Variants in FBXW7 observed in about 807,000 individuals in gnomAD.
FBXW7 encodes the protein F-box and WD repeat domain containing 7, also known as F-box/WD repeat-containing protein 7.
A neutral mutation model predicts 86.3 loss-of-function variants in FBXW7; 11 were observed. The ratio of observed to expected loss-of-function variants is 0.13; its 90% CI spans 0.08 to 0.21. FBXW7 has a LOEUF of 0.21. Ranked by LOEUF, FBXW7 falls within the 10% of genes least tolerant of loss-of-function variation. The pLI is 1.00. For synonymous variants in FBXW7, 313 were observed against 297.9 expected, an observed-to-expected ratio of 1.05 and a Z score of -0.52; for missense variants, 488 against 847.4, an observed-to-expected ratio of 0.58 and a Z score of 5.27.
intron 6 of FBXW7, chr4:152,338,154 AC>A (rs1334389476): frequency 2.0e-5 from 7 of 357,284 alleles, no homozygotes; most frequent in African/African-American, 4.2e-5. Context: ...TTAAAAAAAA[AC>A]ATGTTTGACA....
At chr4:152,523,829 T>C (rs1327373750) in intron 2 of FBXW7, among the ~76,000 whole-genome samples, 1 of 152,188 alleles carries the variant, frequency 6.6e-6, no homozygotes, top group African/African-American at 2.4e-5. Context: ...GTTTTGTGTA[T>C]TTTGTCTCTC....
intron 2 of FBXW7, among the ~76,000 whole-genome samples, chr4:152,440,515 G>A (rs1467265651): frequency 6.6e-6 from 1 of 151,818 alleles, no homozygotes; most frequent in Non-Finnish European, 1.5e-5. Flanking sequence ...ATTTAATTTT[G>A]GTAACACAAA....
At chr4:152,375,345 A>G (rs1258023832) in intron 4 of FBXW7, among the ~76,000 whole-genome samples, 2 of 152,130 alleles carry the variant, frequency 1.3e-5, no homozygotes, top group African/African-American at 4.8e-5. Context: ...GACAACCATA[A>G]GACTCTCCAT....
In FBXW7 at chr4:152,324,281, T is replaced by C. The variant is rs896624282; in HGVS notation, c.1758A>G (p.Gly586=). Residue 586 remains glycine (G), a synonymous_variant, in exon 13 of 14, where the codon GGA becomes GGG. Coordinates refer to ENST00000281708, the MANE Select transcript of FBXW7 (RefSeq NM_001349798.2). ...TLTGHQSLTS[G]MELKDNILVS... is the part of the protein sequence containing the mutation. ...CAAGAATATTGTCTTTGAGTTCCATTCCACTTGTTAACGACTGGTGCCCTG... is the reference window on the plus strand; with the variant it reads ...CAAGAATATTGTCTTTGAGTTCCATCCCACTTGTTAACGACTGGTGCCCTG... 1.2e-6 allele frequency: 2 copies of C among 1,613,262 alleles called. No homozygotes were observed. The highest frequency in any genetic ancestry group is 1.7e-6 in the Non-Finnish European group (2 of 1,179,520).
chr4:152,323,693 T>C (rs1389195508), intron 13 of FBXW7: 1 of 167,454 alleles, frequency 6.0e-6, no homozygotes, highest in Non-Finnish European at 1.3e-5. Context: ...TCATCTAATA[T>C]TAGTGATTTT....
intron 8 of FBXW7, among the ~76,000 whole-genome samples, chr4:152,332,230 T>C (rs930364736): frequency 2.0e-5 from 3 of 152,084 alleles, no homozygotes; most frequent in Non-Finnish European, 4.4e-5. Context: ...ATCCCCCACC[T>C]TGAAGAAATG....
Position 152,340,458 on chromosome 4 carries a change from A to G in FBXW7, c.727-2522T>C, listed in dbSNP as rs371981233. On this transcript the variant is annotated intron_variant, in intron 6 of 13. Transcript: ENST00000281708. ...GCTGGGCATCGTGGCGGGCGCCTGT[A>G]GTCCCGGCGACTTGGGAGGCTGATG... Among the ~76,000 whole-genome samples, 6 of 151,244 alleles carry G rather than the reference A, an allele frequency of 4.0e-5. No individual in the cohort carries two copies. The East Asian group carries it at 1.2e-3, about 30-fold the overall frequency.
intron 2 of FBXW7, among the ~76,000 whole-genome samples, chr4:152,455,516 T>G (rs565334251): frequency 2.6e-5 from 4 of 152,346 alleles, no homozygotes; most frequent in African/African-American, 9.6e-5. Flanking sequence ...AGCAGAGCCT[T>G]TAACATCTGT....
chr4:152,524,559 G>A (rs1014924282), intron 2 of FBXW7, among the ~76,000 whole-genome samples: 4 of 152,098 alleles, frequency 2.6e-5, no homozygotes, highest in African/African-American at 7.2e-5. Context: ...ATTTCAAAGG[G>A]TGACAGATAA....
chr4:152,352,933 G>C (rs987352869), intron 4 of FBXW7: 2 of 1,414,096 alleles, frequency 1.4e-6, no homozygotes, highest in African/African-American at 1.4e-5. Flanking sequence ...CAATTATATG[G>C]TGATCCGCTC....
chr4:152,382,363 C>T (rs763126995), intron 4 of FBXW7: 1 of 1,544,038 alleles, frequency 6.5e-7, no homozygotes, highest in South Asian at 1.3e-5. Context: ...TTGACGAATA[C>T]TCTCTACATG....
chr4:152,363,306 T>A (rs946906806), intron 4 of FBXW7, among the ~76,000 whole-genome samples: 5 of 152,158 alleles, frequency 3.3e-5, no homozygotes, highest in African/African-American at 1.2e-4. Context: ...TTAGAAATAT[T>A]TGTCCAGGGT....
intron 4 of FBXW7, among the ~76,000 whole-genome samples, chr4:152,378,683 GCAT>G (rs1264073524): frequency 1.3e-5 from 2 of 152,240 alleles, no homozygotes; most frequent in Middle Eastern, 3.4e-3. Context: ...TGAAATTTAT[GCAT>G]TAAAAGTCCA....
chr4:152,422,256 T>C (rs190043936), intron 2 of FBXW7, among the ~76,000 whole-genome samples: 11 of 152,294 alleles, frequency 7.2e-5, no homozygotes, highest in Admixed American at 5.2e-4. Context: ...TGCACACTGG[T>C]AGTGGAATAG....
chr4:152,468,390 C>A (rs1415820656), intron 2 of FBXW7, among the ~76,000 whole-genome samples: 1 of 152,046 alleles, frequency 6.6e-6, no homozygotes, highest in Non-Finnish European at 1.5e-5. Flanking sequence ...GATGAATACA[C>A]AAATGATATA....
chr4:152,360,876 A>G (rs1732877158), intron 4 of FBXW7, among the ~76,000 whole-genome samples: 1 of 149,458 alleles, frequency 6.7e-6, no homozygotes. Flanking sequence ...ATGCCAGCCA[A>G]CATTTGGCTG....
At chr4:152,490,625 A>T (rs1745754830) in intron 2 of FBXW7, among the ~76,000 whole-genome samples, 1 of 152,138 alleles carries the variant, frequency 6.6e-6, no homozygotes, top group Non-Finnish European at 1.5e-5. Flanking sequence ...GCAGCAGCAT[A>T]AGTTAAAAAA....
intron 5 of FBXW7, among the ~76,000 whole-genome samples, chr4:152,349,314 C>CAA (rs5863003): frequency 0.015 from 2,273 of 147,242 alleles, 58 homozygotes; most frequent in African/African-American, 0.052. Context: ...TTTTAAAGAC[C>CAA]AAAAAAAAAA....
intron 2 of FBXW7, among the ~76,000 whole-genome samples, chr4:152,490,958 A>G (rs1745789045): frequency 1.3e-5 from 2 of 152,144 alleles, no homozygotes; most frequent in Non-Finnish European, 2.9e-5. Context: ...GAAGAAGCAC[A>G]TTAGAGAAGA....
Sources: allele counts gnomAD v4.1 joint callset (sites outside exome capture counted in the v4.1 genomes callset), GRCh38; gene constraint gnomAD v4.1.1; transcripts MANE v1.5; gene names NCBI Gene and HGNC (gene_info 2026-07-23, HGNC 2026-07-21).